The following CACNA1B variants were observed in gnomAD, a reference collection of about 807,000 sequenced individuals.
CACNA1B encodes voltage-dependent N-type calcium channel subunit alpha-1B.
In CACNA1B, 70 loss-of-function variants were observed where a neutral mutation model predicts 247.2. That is an observed-to-expected ratio of 0.28 (90% CI 0.23 to 0.35). The LOEUF is 0.35. Among genes scored for constraint, CACNA1B ranks in the 10% least tolerant of loss-of-function variants. CACNA1B has a pLI of 1.00. For synonymous variants in CACNA1B, 1,231 were observed against 1,294.4 expected, an observed-to-expected ratio of 0.95 and a Z score of 1.05; for missense variants, 2,367 against 3,197.4, an observed-to-expected ratio of 0.74 and a Z score of 6.26.
rs60187913 is a variant in CACNA1B at position 137,967,694 on chromosome 9, G to GTC, written c.1334-3678_1334-3677dup. Among the ~76,000 whole-genome samples the GTC allele has an allele frequency of 6.0e-4, 91 of 152,086 alleles. 1 individual carries two copies. Among genetic ancestry groups the GTC allele is most frequent in the East Asian group, 1.2e-3 (6 of 5,174 alleles). ...CCAGGCTGCTGTGCCCACTGCAAGT[G>GTC]TCTCTCTCTCTCATTTCCTGTTGCA... On this transcript the variant is annotated intron_variant, in intron 10 of 46. Coordinates refer to ENST00000371372, the MANE Select transcript of CACNA1B (RefSeq NM_000718.4).
rs934975534 is a variant in CACNA1B, at chr9:137,957,669, G to A, written c.1315G>A (p.Ala439Thr). 6.3e-7 allele frequency: 1 copy of A among 1,599,546 alleles called. No individual in the cohort carries two copies. Among genetic ancestry groups the A allele is most frequent in the African/African-American group, 1.3e-5 (1 of 74,804 alleles). The change falls in exon 10 of 47, where the codon GCA (alanine) becomes ACA (threonine). Residue 439 changes from alanine to threonine, a missense_variant. Physicochemically the swap from Ala to Thr is moderately conservative, Grantham distance 58. This residue lies in a region of CACNA1B where 219 missense variants were observed against 297.6 expected (regional missense o/e 0.74). Coordinates refer to ENST00000371372, the MANE Select transcript of CACNA1B (RefSeq NM_000718.4). This position sits in a 1 kb window ranked among gnomAD's most constrained non-coding sequence, Gnocchi z 4.7. The part of the protein sequence containing the change: ...IHAEEGEDRF[A>T]DLCAVGSPFA... ...CGCAGAGGAGGGAGAGGACCGGTTT[G>A]CAGATCTCTGTGCTGTTGGTGAGTC...
At chr9:137,959,648 C>T (rs1207031906) in intron 10 of CACNA1B, among the ~76,000 whole-genome samples, 2 of 152,070 alleles carry the variant, frequency 1.3e-5, no homozygotes, top group Non-Finnish European at 1.5e-5. Flanking sequence ...GCCCCGTTCT[C>T]AGGGTGTTGG....
chr9:138,022,028 G>A (rs541138710), intron 18 of CACNA1B, among the ~76,000 whole-genome samples: 1 of 152,338 alleles, frequency 6.6e-6, no homozygotes, highest in African/African-American at 2.4e-5. Context: ...AATGCAAAGG[G>A]CTTCCTGTGC....
chr9:138,048,953 G>A (rs1959207728), intron 23 of CACNA1B, among the ~76,000 whole-genome samples: 1 of 152,202 alleles, frequency 6.6e-6, no homozygotes, highest in Admixed American at 6.5e-5. Flanking sequence ...CCAGAGCTCA[G>A]GTGATCCACC....
rs1309417466 is a variant in CACNA1B at position 137,891,981 on chromosome 9, G to A, written c.530+9098G>A. 3 of 451,596 alleles carry A rather than the reference G, an allele frequency of 6.6e-6. No homozygotes were observed. Among genetic ancestry groups the A allele is most frequent in the African/African-American group, 6.0e-5 (3 of 50,020 alleles). The allele number at this position is 451,596 out of a possible 1,614,324, so 28.0% of individuals were successfully genotyped here. On this transcript the variant is annotated intron_variant, in intron 3 of 46. Transcript: ENST00000371372. The surrounding 1 kb of genome is among the most constrained non-coding windows in gnomAD (Gnocchi z 4.3). Reference sequence around the variant, plus strand: ...CCCTGTCTCCCCTGAGAGCACAGGAGCCTGGTGAAAAGGGCCTTGCGCCTT... The same window carrying A: ...CCCTGTCTCCCCTGAGAGCACAGGAACCTGGTGAAAAGGGCCTTGCGCCTT...
At chr9:138,090,801 C>G (rs1482628759) in intron 36 of CACNA1B, among the ~76,000 whole-genome samples, 1 of 147,054 alleles carries the variant, frequency 6.8e-6, no homozygotes, top group African/African-American at 2.5e-5. Context: ...AAATGGCCAG[C>G]TGGTATAAGA....
chr9:137,950,366 A>C lies in CACNA1B; in HGVS notation c.967-1908A>C, dbSNP rs1957865031. On this transcript the variant is annotated intron_variant, in intron 6 of 46. Transcript: ENST00000371372. This position sits in a 1 kb window ranked among gnomAD's most constrained non-coding sequence, Gnocchi z 4.8. ...CTCCCTAGCTGCAGGGGGTGCCCCT[A>C]CTGCCTGTGTAAATGGAAGTCAAGG... is the stretch of plus-strand genomic sequence containing the variant. 6.6e-6 allele frequency among the ~76,000 whole-genome samples: 1 copy of C among 152,198 alleles called. No homozygotes were observed. The highest frequency in any genetic ancestry group is 2.4e-5 in the African/African-American group (1 of 41,454).
chr9:137,987,373 AG>A (rs1237514706), intron 15 of CACNA1B, among the ~76,000 whole-genome samples: 7 of 152,182 alleles, frequency 4.6e-5, no homozygotes, highest in Middle Eastern at 6.8e-3. Flanking sequence ...GCCCTCTTGG[AG>A]GGTTCCCTTT....
At chr9:138,048,784 C>T (rs1183282005) in intron 23 of CACNA1B, among the ~76,000 whole-genome samples, 2 of 152,108 alleles carry the variant, frequency 1.3e-5, no homozygotes, top group Admixed American at 1.3e-4. Context: ...GTGGCGTGAT[C>T]TCAGCTCACT....
chr9:137,931,034 C>T (rs1957601849), intron 6 of CACNA1B, among the ~76,000 whole-genome samples: 1 of 151,988 alleles, frequency 6.6e-6, no homozygotes, highest in Non-Finnish European at 1.5e-5. Flanking sequence ...CTCATTGCAG[C>T]CTCACCCTTC....
intron 38 of CACNA1B, among the ~76,000 whole-genome samples, chr9:138,105,417 G>T (rs1961387008): frequency 6.6e-6 from 1 of 152,216 alleles, no homozygotes; most frequent in Admixed American, 6.5e-5. Flanking sequence ...AGGGTGAGGA[G>T]GTGGCTGTGC....
chr9:138,025,703 A>C (rs1958912559), intron 20 of CACNA1B, among the ~76,000 whole-genome samples: 1 of 152,070 alleles, frequency 6.6e-6, no homozygotes, highest in Non-Finnish European at 1.5e-5. Flanking sequence ...TTGCTCACTC[A>C]CATGCTCGGA....
At position 138,023,450 on chromosome 9, in the gene CACNA1B, C is replaced by G; in HGVS notation, c.2707C>G (p.Arg903Gly). The G allele has an allele frequency of 8.2e-7, 1 of 1,226,554 alleles. No individual in the cohort carries two copies. The highest frequency in any genetic ancestry group is 1.0e-6 in the Non-Finnish European group (1 of 985,902). 76.0% of individuals were successfully genotyped at this position (1,226,554 alleles called of 1,614,324 possible). A position where few individuals can be genotyped will look rare whatever the true frequency, so the allele number is the denominator to read the frequency against. ...GGAGGCCGCGGGGCCCCCGGAGGCG[C>G]GGAGCGAGCGCGGCCGAGGCCCAGG... is the stretch of plus-strand genomic sequence containing the variant. ...SKEAAGPPEARSERGRGPGPE... is the reference protein window; with the variant it reads ...SKEAAGPPEAGSERGRGPGPE... Residue 903 changes from arginine to glycine, a missense_variant, in exon 19 of 47, where the codon CGG becomes GGG. Physicochemically the swap from Arg to Gly is moderately radical, Grantham distance 125 (BLOSUM62 -2). Transcript: ENST00000371372.
Position 138,057,686 on chromosome 9 carries a change from G to T in CACNA1B, c.3969-46G>T. ...ACACTCTTGATAGGTGGGTTTATTT[G>T]GATCTTTTGTCTTTGCCCTCTAACC... On this transcript the variant is annotated intron_variant, in intron 26 of 46. Coordinates refer to ENST00000371372, the MANE Select transcript of CACNA1B (RefSeq NM_000718.4). The surrounding 1 kb of genome is among the most constrained non-coding windows in gnomAD (Gnocchi z 4.0). 6.4e-7 allele frequency: 1 copy of T among 1,569,872 alleles called. No homozygotes were observed. Among genetic ancestry groups the T allele is most frequent in the South Asian group, 1.2e-5 (1 of 86,370 alleles).
At chr9:138,068,334 G>C (rs1960001656) in intron 31 of CACNA1B, among the ~76,000 whole-genome samples, 12 of 152,160 alleles carry the variant, frequency 7.9e-5, no homozygotes, top group Admixed American at 6.5e-4. Flanking sequence ...ATAGATACTT[G>C]GTTTTACTTT....
chr9:138,054,989 C>T lies in CACNA1B; in HGVS notation c.3968+983C>T, dbSNP rs1167119084. Among the ~76,000 whole-genome samples, 2 of 152,132 alleles carry T rather than the reference C, an allele frequency of 1.3e-5. No individual in the cohort carries two copies. Among genetic ancestry groups the T allele is most frequent in the Non-Finnish European group, 2.9e-5 (2 of 68,016 alleles). ...TGTCTGCTGTCTGCCTCTTTCCTGT[C>T]GGTTACTAGGAATCATGTAATGTTC... On this transcript the variant is annotated intron_variant, in intron 26 of 46. Transcript: ENST00000371372. This position sits in a 1 kb window ranked among gnomAD's most constrained non-coding sequence, Gnocchi z 4.6.
Position 137,914,775 on chromosome 9 carries a change from G to C in CACNA1B, c.744G>C (p.Lys248Asn). The C allele has an allele frequency of 1.9e-6, 3 of 1,613,994 alleles. No homozygotes were observed. Among genetic ancestry groups the C allele is most frequent in the Non-Finnish European group, 2.5e-6 (3 of 1,179,890 alleles). ...AIIGLEFYMGKFHKACFPNST... is the reference protein window; with the variant it reads ...AIIGLEFYMGNFHKACFPNST... ...TTGGCCTGGAGTTCTACATGGGCAA[G>C]TTCCACAAGGCCTGTTTCCCCAACA... Residue 248 changes from lysine to asparagine, a missense_variant, in exon 5 of 47, where the codon AAG becomes AAC. By Grantham distance (94) the Lys-to-Asn change is moderately conservative. Transcript: ENST00000371372. This position sits in a 1 kb window ranked among gnomAD's most constrained non-coding sequence, Gnocchi z 4.3.
chr9:137,893,494 C>A (rs1327212213), intron 3 of CACNA1B, among the ~76,000 whole-genome samples: 1 of 151,254 alleles, frequency 6.6e-6, no homozygotes, highest in Non-Finnish European at 1.5e-5. Context: ...ACTAAAAATA[C>A]AAAAGAATGA....
At chr9:137,893,656 A>C (rs1386079943) in intron 3 of CACNA1B, among the ~76,000 whole-genome samples, 1 of 152,092 alleles carries the variant, frequency 6.6e-6, no homozygotes, top group Non-Finnish European at 1.5e-5. Context: ...GTCTCAAAAA[A>C]AAAAAAATGA....
Sources: gnomAD v4.1 joint callset for allele counts (sites outside exome capture counted in the v4.1 genomes callset) on GRCh38, gnomAD v4.1.1 for gene constraint, gnomAD v4.1.1 regional missense constraint, Gnocchi (gnomAD v3.1) non-coding constraint, MANE v1.5 for transcripts, NCBI Gene and HGNC (gene_info 2026-07-23, HGNC 2026-07-21) for gene names.